The following ASIC1 variants were observed in gnomAD, a reference collection of about 807,000 sequenced individuals.
ASIC1 encodes the protein acid sensing ion channel subunit 1.
Under a neutral mutation model 63.4 loss-of-function variants are expected in ASIC1, and 21 were observed. That is an observed-to-expected ratio of 0.33 (90% CI 0.23 to 0.48). ASIC1 has a LOEUF of 0.48. ASIC1 is among the 20% of genes least tolerant of loss of function. The pLI is 0.99. For missense variants in ASIC1, 478 were observed against 695.5 expected, an observed-to-expected ratio of 0.69 and a Z score of 3.52; for synonymous variants, 258 against 278.2, an observed-to-expected ratio of 0.93 and a Z score of 0.72.
At position 50,069,583 on chromosome 12, in the gene ASIC1, C is replaced by T. The variant is rs12322287; in HGVS notation, c.559-7630C>T. Among the ~76,000 whole-genome samples the T allele has an allele frequency of 3.7e-3, 559 of 152,272 alleles. 1 individual carries two copies. The highest frequency in any genetic ancestry group is 0.013 in the African/African-American group (542 of 41,550). ...TGCTGGGATTACAGGCATAAGCCAC[C>T]GCGCCCAGCCTCCTCTTTATTCTTT... On this transcript the variant is annotated intron_variant, in intron 3 of 11. Coordinates refer to ENST00000447966, the MANE Select transcript of ASIC1 (RefSeq NM_001095.4).
intron 4 of ASIC1, 51 bp downstream of exon 4, chr12:50,077,414 C>T (rs1950667780): frequency 6.2e-7 from 1 of 1,607,822 alleles, no homozygotes; most frequent in Non-Finnish European, 8.5e-7. Context: ...GCCCCAGCCT[C>T]TGCCAGGGGA....
intron 3 of ASIC1, among the ~76,000 whole-genome samples, chr12:50,060,283 G>A (rs1950489430): frequency 6.6e-6 from 1 of 152,230 alleles, no homozygotes; most frequent in South Asian, 2.1e-4. Flanking sequence ...TCAGAGCTGA[G>A]CAGACAGGTG....
intron 3 of ASIC1, among the ~76,000 whole-genome samples, chr12:50,070,063 G>A (rs1159543908): frequency 6.6e-6 from 1 of 152,082 alleles, no homozygotes; most frequent in Non-Finnish European, 1.5e-5. Flanking sequence ...CATGAGGGGT[G>A]GCTGGAATGA....
intron 3 of ASIC1, chr12:50,073,568 G>T (rs751599053): frequency 2.2e-5 from 33 of 1,489,560 alleles, no homozygotes; most frequent in Non-Finnish European, 6.2e-6. Context: ...CCTGGCACCA[G>T]GAAGCCCCTG....
intron 3 of ASIC1, among the ~76,000 whole-genome samples, chr12:50,062,317 C>G (rs1054242384): frequency 2.6e-5 from 4 of 152,248 alleles, no homozygotes; most frequent in Non-Finnish European, 4.4e-5. Flanking sequence ...TTGCCATTCT[C>G]TGCTAGGCCA....
At chr12:50,062,997 ATC>A (rs1950514302) in intron 3 of ASIC1, among the ~76,000 whole-genome samples, 1 of 152,188 alleles carries the variant, frequency 6.6e-6, no homozygotes, top group South Asian at 2.1e-4. Flanking sequence ...GGCAGGGAGT[ATC>A]CCCACAGCAA....
chr12:50,058,164 C>G (rs923895198), intron 1 of ASIC1, among the ~76,000 whole-genome samples: 2 of 152,036 alleles, frequency 1.3e-5, no homozygotes, highest in Admixed American at 6.5e-5. Flanking sequence ...CAGCCCGCCA[C>G]CCCCCACTCC....
In ASIC1 at chr12:50,080,492, G is replaced by T. The variant is rs1950704153; in HGVS notation, c.1206-6G>T. 6.2e-7 allele frequency: 1 copy of T among 1,613,916 alleles called. No homozygotes were observed. Among genetic ancestry groups the T allele is most frequent in the Non-Finnish European group, 8.5e-7 (1 of 1,179,858 alleles). The stretch of plus-strand genomic sequence containing the variant: ...ACCTAGGTCTCCTCCCCCAATCCCT[G>T]TGCAGGGAGAACATCCTGGTGCTGG... On this transcript the variant is annotated splice_polypyrimidine_tract_variant and splice_region_variant and intron_variant, in intron 8 of 11. Transcript: ENST00000447966.
In ASIC1 at chr12:50,078,275, A is replaced by C. The variant is rs539867892; in HGVS notation, c.838-146A>C. Reference sequence around the variant, plus strand: ...AAGCATGAGTGATCGAATGAACAAGAATGCTCTGTAAACTCTGAGACCTTT... The same window carrying C: ...AAGCATGAGTGATCGAATGAACAAGCATGCTCTGTAAACTCTGAGACCTTT... On this transcript the variant is annotated intron_variant, in intron 5 of 11. Transcript: ENST00000447966. This position sits in a 1 kb window ranked among gnomAD's most constrained non-coding sequence, Gnocchi z 6.0. The C allele has an allele frequency of 1.3e-6, 2 of 1,503,988 alleles. No individual in the cohort carries two copies. Among genetic ancestry groups the C allele is most frequent in the Non-Finnish European group, 1.8e-6 (2 of 1,114,542 alleles). 93.2% of individuals were successfully genotyped at this position (1,503,988 alleles called of 1,614,324 possible).
At chr12:50,068,700 C>A (rs1269323212) in intron 3 of ASIC1, among the ~76,000 whole-genome samples, 2 of 151,630 alleles carry the variant, frequency 1.3e-5, no homozygotes, top group Admixed American at 6.6e-5. Flanking sequence ...CAAACTAGTT[C>A]TTTACCTGTG....
At chr12:50,073,859 G>A in intron 3 of ASIC1, 1 of 1,531,616 alleles carries the variant, frequency 6.5e-7, no homozygotes, top group Non-Finnish European at 8.7e-7. Context: ...CAGGTGCTGT[G>A]GGCGGTGGCC....
At position 50,080,484 on chromosome 12, in the gene ASIC1, C is replaced by T. The variant is rs911602661; in HGVS notation, c.1206-14C>T. On this transcript the variant is annotated splice_polypyrimidine_tract_variant and intron_variant, in intron 8 of 11. Transcript: ENST00000447966. ...TGACTTGAACCTAGGTCTCCTCCCC[C>T]AATCCCTGTGCAGGGAGAACATCCT... 6.2e-7 allele frequency: 1 copy of T among 1,611,658 alleles called. No homozygotes were observed. The highest frequency in any genetic ancestry group is 8.5e-7 in the Non-Finnish European group (1 of 1,177,856).
Position 50,073,565 on chromosome 12 carries a change from C to G in ASIC1, c.559-3648C>G, listed in dbSNP as rs561012406. 37 of 1,486,356 alleles carry G rather than the reference C, an allele frequency of 2.5e-5. 2 individuals are homozygous for G. The South Asian group carries it at 4.8e-4, about 19-fold the overall frequency. 92.1% of individuals were successfully genotyped at this position (1,486,356 alleles called of 1,614,324 possible). On this transcript the variant is annotated intron_variant, in intron 3 of 11. Coordinates refer to ENST00000447966, the MANE Select transcript of ASIC1 (RefSeq NM_001095.4). Reference sequence around the variant, plus strand: ...CCCTTCCTCCTGCAAATCCCTGGCACCAGGAAGCCCCTGGAGAAAATGCCC... The same window carrying G: ...CCCTTCCTCCTGCAAATCCCTGGCAGCAGGAAGCCCCTGGAGAAAATGCCC...
chr12:50,075,327 G>A (rs1950644470), intron 3 of ASIC1, among the ~76,000 whole-genome samples: 1 of 152,328 alleles, frequency 6.6e-6, no homozygotes, highest in Non-Finnish European at 1.5e-5. Context: ...CCCGAGAGTA[G>A]AGCAGACAGT....
intron 8 of ASIC1, 138 bp downstream of exon 8, chr12:50,080,193 G>A: frequency 3.2e-6 from 4 of 1,243,796 alleles, no homozygotes; most frequent in Non-Finnish European, 4.4e-6. Context: ...CAAGCAAAGA[G>A]TCTAGGGTGG....
In ASIC1 at chr12:50,078,882, C is replaced by T; in HGVS notation, c.995-42C>T. ...TGGTACTACCACCATCACCAGACCC[C>T]TTGAATTCCCATCCTGCATCATTGT... is the stretch of plus-strand genomic sequence containing the variant. On this transcript the variant is annotated intron_variant, in intron 6 of 11. Coordinates refer to ENST00000447966, the MANE Select transcript of ASIC1 (RefSeq NM_001095.4). The surrounding 1 kb of genome is among the most constrained non-coding windows in gnomAD (Gnocchi z 6.0). The T allele has an allele frequency of 6.2e-7, 1 of 1,601,472 alleles. No homozygotes were observed. Among genetic ancestry groups the T allele is most frequent in the Non-Finnish European group, 8.6e-7 (1 of 1,168,546 alleles).
chr12:50,069,729 G>C (rs1950580709), intron 3 of ASIC1, among the ~76,000 whole-genome samples: 1 of 151,546 alleles, frequency 6.6e-6, no homozygotes, highest in African/African-American at 2.4e-5. Context: ...CTTATGGTTT[G>C]CAATTAGATA....
chr12:50,067,796 C>T (rs1950560860), intron 3 of ASIC1, among the ~76,000 whole-genome samples: 1 of 152,116 alleles, frequency 6.6e-6, no homozygotes, highest in South Asian at 2.1e-4. Flanking sequence ...CTACCCACTC[C>T]TCTGTCTCTT....
intron 8 of ASIC1, chr12:50,080,264 T>C (rs528458521): frequency 1.1e-4 from 87 of 779,508 alleles, no homozygotes; most frequent in Admixed American, 8.8e-4. Context: ...TCCTTCTTCA[T>C]CCTCATTGTT....
Sources: gnomAD v4.1 joint callset for allele counts (sites outside exome capture counted in the v4.1 genomes callset) on GRCh38, gnomAD v4.1.1 for gene constraint, Gnocchi (gnomAD v3.1) non-coding constraint, MANE v1.5 for transcripts, NCBI Gene and HGNC (gene_info 2026-07-23, HGNC 2026-07-21) for gene names.